Variants in SMIM22 observed in about 807,000 individuals in gnomAD.
SMIM22 encodes small integral membrane protein 22.
SMIM22 carries 16 observed loss-of-function variants against 8.4 expected under a neutral mutation model. The observed-to-expected ratio is 1.90, with a 90% confidence interval of 1.29 to 2.89. SMIM22 has a LOEUF of 2.89. SMIM22 is among the 30% of genes most tolerant of loss of function. The pLI is 0.00. For missense variants in SMIM22, 159 were observed against 107.5 expected, an observed-to-expected ratio of 1.48 and a Z score of -2.12; for synonymous variants, 67 against 47.6, an observed-to-expected ratio of 1.41 and a Z score of -1.68.
chr16:4,794,704 G>GC (rs1380713279), upstream of SMIM22, among the ~76,000 whole-genome samples: 1 of 152,194 alleles, frequency 6.6e-6, no homozygotes, highest in African/African-American at 2.4e-5. Context: ...ACAGGCGTGA[G>GC]CCACTGCGCC....
At chr16:4,794,253 G>A (rs573861717), upstream of SMIM22, among the ~76,000 whole-genome samples, 21 of 149,514 alleles carry the variant, frequency 1.4e-4, no homozygotes, top group Non-Finnish European at 2.1e-4. Flanking sequence ...GACTATAGGC[G>A]CGTGCCACCA....
chr16:4,790,002 C>T (rs1037814560), intron 2 of SMIM22: 3 of 151,492 alleles, frequency 2.0e-5, no homozygotes, highest in African/African-American at 7.3e-5. Flanking sequence ...GCAGCCTCGA[C>T]TTCCTGGGTT....
Position 4,796,060 on chromosome 16 carries a change from C to T in SMIM22, c.225+12C>T, listed in dbSNP as rs367842612. 2.9e-5 allele frequency: 45 copies of T among 1,531,436 alleles called. No homozygotes were observed. The highest frequency in any genetic ancestry group is 2.5e-4 in the African/African-American group (18 of 72,548). The allele number at this position is 1,531,436 out of a possible 1,614,324, so 94.9% of individuals were successfully genotyped here. On this transcript the variant is annotated intron_variant, in intron 3 of 3. Transcript: ENST00000586005. The stretch of plus-strand genomic sequence containing the variant: ...TGAGCCCCTGGAAGGTGAGCCCTGC[C>T]GGCCTCTGGGACCTGCACGGAACTG...
upstream of SMIM22, among the ~76,000 whole-genome samples, chr16:4,793,624 C>T (rs1224033710): frequency 6.6e-6 from 1 of 152,200 alleles, no homozygotes; most frequent in Non-Finnish European, 1.5e-5. Flanking sequence ...TCCGTATCCA[C>T]AGGTTCCACA....
Position 4,796,333 on chromosome 16 carries a change from T to C in SMIM22, c.*102T>C. ...CCCGTCTGGGTGGGTGACGCGGGAC[T>C]CGCCGCCCCACTCAGGTGGCCACCT... On this transcript the variant is annotated 3_prime_UTR_variant, in exon 4 of 4. Coordinates refer to ENST00000586005, the MANE Select transcript of SMIM22 (RefSeq NM_001253794.2). 2 of 1,397,474 alleles carry C rather than the reference T, an allele frequency of 1.4e-6. No homozygotes were observed. Among genetic ancestry groups the C allele is most frequent in the South Asian group, 1.4e-5 (1 of 73,902 alleles). The allele number at this position is 1,397,474 out of a possible 1,614,324, so 86.6% of individuals were successfully genotyped here. A position where few individuals can be genotyped will look rare whatever the true frequency, so the allele number is the denominator to read the frequency against.
At chr16:4,795,544 TG>T in intron 1 of SMIM22, 95 bp downstream of exon 1, 1 of 742,728 alleles carries the variant, frequency 1.3e-6, no homozygotes, top group Non-Finnish European at 2.0e-6. Flanking sequence ...ACCACAGGGC[TG>T]GGCAAGGAGA....
At chr16:4,791,952 G>A (rs377581913), upstream of SMIM22, among the ~76,000 whole-genome samples, 2 of 152,146 alleles carry the variant, frequency 1.3e-5, no homozygotes, top group East Asian at 3.9e-4. Flanking sequence ...CTCCCAAAGT[G>A]CTTGGATTAC....
At chr16:4,792,102 T>G (rs919868457), upstream of SMIM22, among the ~76,000 whole-genome samples, 3 of 152,174 alleles carry the variant, frequency 2.0e-5, no homozygotes, top group African/African-American at 2.4e-5. Flanking sequence ...ACAGGAAGAC[T>G]GAGGGCCAGA....
intron 2 of SMIM22, among the ~76,000 whole-genome samples, chr16:4,789,316 C>G (rs1489505473): frequency 6.6e-6 from 1 of 150,982 alleles, no homozygotes; most frequent in Non-Finnish European, 1.5e-5. Context: ...CTTTTTTTTT[C>G]TTTTTTCCTT....
upstream of SMIM22, among the ~76,000 whole-genome samples, chr16:4,792,050 A>AT (rs1163510540): frequency 6.6e-6 from 1 of 151,944 alleles, no homozygotes; most frequent in East Asian, 1.9e-4. Context: ...TACGACTTTC[A>AT]TAATAGTAAC....
intron 2 of SMIM22, among the ~76,000 whole-genome samples, chr16:4,789,395 G>A (rs1000340856): frequency 3.3e-5 from 5 of 150,646 alleles, no homozygotes; most frequent in African/African-American, 2.4e-5. Context: ...GCATGATCTC[G>A]GCTCACTGTA....
chr16:4,795,408 C>A lies in SMIM22; in HGVS notation c.-62C>A. ...CGGAAGCAGGAAGCAGCCTGTGCTC[C>A]CCAGGACCTGCCTGGTTGGGGGAAT... On this transcript the variant is annotated 5_prime_UTR_variant, in exon 1 of 4. Transcript: ENST00000586005. 1 of 345,664 alleles carries A rather than the reference C, an allele frequency of 2.9e-6. No homozygotes were observed. The allele number at this position is 345,664 out of a possible 1,614,324, so 21.4% of individuals were successfully genotyped here.
intron 1 of SMIM22, 75 bp downstream of exon 1, chr16:4,795,524 C>T (rs1669491512): frequency 3.0e-6 from 2 of 659,386 alleles, no homozygotes; most frequent in African/African-American, 1.9e-5. Context: ...AGAAGGTTGT[C>T]AGGGTAAGGA....
At chr16:4,795,481 G>C (rs923452484) in intron 1 of SMIM22, 32 bp downstream of exon 1, 7 of 537,786 alleles carry the variant, frequency 1.3e-5, no homozygotes, top group Admixed American at 3.5e-5. Flanking sequence ...GGGCTGCCAG[G>C]GGGAGAGAGA....
rs73513279 is a variant in SMIM22 at position 4,795,804 on chromosome 16, T to G, written c.70T>G (p.Phe24Val). 1.2e-3 allele frequency: 1,818 copies of G among 1,535,810 alleles called. 25 individuals carry two copies. In the African/African-American group the frequency reaches 0.022, roughly 19 times the overall value. ...CCTGGGGAGACTGAAGAGCCACCAG[T>G]TTTTCCAGTCCACATGGGACACTGT... ...EVLGRLKSHQ[F>V]FQSTWDTVAF... The change falls in exon 2 of 4, where the codon TTT (phenylalanine) becomes GTT (valine). Residue 24 changes from phenylalanine (F) to valine (V), a missense_variant. Coordinates refer to ENST00000586005, the MANE Select transcript of SMIM22 (RefSeq NM_001253794.2).
intron 3 of SMIM22, 38 bp from the exon 4 acceptor site, chr16:4,796,152 G>C (rs754161272): frequency 2.6e-6 from 4 of 1,535,960 alleles, no homozygotes; most frequent in East Asian, 2.4e-5. Context: ...AGGGAACAAC[G>C]AGCGAACCTG....
intron 2 of SMIM22, among the ~76,000 whole-genome samples, chr16:4,789,606 G>A (rs1313242121): frequency 2.6e-5 from 4 of 152,080 alleles, no homozygotes; most frequent in African/African-American, 4.8e-5. Context: ...GATTACAGGC[G>A]TTAGCCCCTG....
chr16:4,795,738 G>A lies in SMIM22; in HGVS notation c.4G>A (p.Ala2Thr). The A allele has an allele frequency of 6.5e-7, 1 of 1,535,742 alleles. No individual in the cohort carries two copies. The highest frequency in any genetic ancestry group is 8.7e-7 in the Non-Finnish European group (1 of 1,146,744). The change falls in exon 2 of 4, where the codon GCT becomes ACT. Residue 2 changes from alanine to threonine, a missense_variant. Ala to Thr is a moderately conservative substitution (Grantham distance 58, BLOSUM62 0). Coordinates refer to ENST00000586005, the MANE Select transcript of SMIM22 (RefSeq NM_001253794.2). ...AGGTGGCACGGTGCACGCCAAGATGGCTGTGTCCACAGAGGAGCTGGAGGC... is the reference window on the plus strand; with the variant it reads ...AGGTGGCACGGTGCACGCCAAGATGACTGTGTCCACAGAGGAGCTGGAGGC... M[A>T]VSTEELEATV...
chr16:4,792,806 T>TG (rs2082572372), upstream of SMIM22, among the ~76,000 whole-genome samples: 5 of 83,506 alleles, frequency 6.0e-5, no homozygotes, highest in Admixed American at 1.7e-4. Context: ...AGACTCCGTC[T>TG]CAAAAAAAAA....
Sources: gnomAD v4.1 joint callset for allele counts (sites outside exome capture counted in the v4.1 genomes callset) on GRCh38, gnomAD v4.1.1 for gene constraint, MANE v1.5 for transcripts, NCBI Gene and HGNC (gene_info 2026-07-23, HGNC 2026-07-21) for gene names.